ATAD1: variants seen among roughly 807,000 people sequenced by gnomAD.
ATAD1 encodes ATPase family AAA domain containing 1, also known as outer mitochondrial transmembrane helix translocase.
A neutral mutation model predicts 42.7 loss-of-function variants in ATAD1; 18 were observed. The observed-to-expected ratio is 0.42, with a 90% CI of 0.29 to 0.63. The LOEUF (loss-of-function observed/expected upper bound fraction) is 0.63. ATAD1 is among the 20% of genes least tolerant of loss of function. The pLI is 0.19. For missense variants in ATAD1, 294 were observed against 440.4 expected (o/e 0.67, Z 2.98); for synonymous variants, 132 against 143.1 (o/e 0.92, Z 0.55).
rs1472985837 is a variant in ATAD1 at position 87,753,317 on chromosome 10, T to A, written c.*1370A>T. ...AAGTACAACTGAAGAATAAACGATC[T>A]AACAGATTCTTGTGAGACACATTAT... On this transcript the variant is annotated 3_prime_UTR_variant, in exon 10 of 10. Transcript: ENST00000680024. 2 of 152,174 alleles carry A rather than the reference T, an allele frequency of 1.3e-5. No individual in the cohort carries two copies. Among genetic ancestry groups the A allele is most frequent in the African/African-American group, 4.8e-5 (2 of 41,448 alleles). The allele number at this position is 152,174 out of a possible 1,614,324, so 9.4% of individuals were successfully genotyped here.
chr10:87,807,737 A>G (rs1379276368), intron 2 of ATAD1, among the ~76,000 whole-genome samples: 1 of 152,140 alleles, frequency 6.6e-6, no homozygotes, highest in Non-Finnish European at 1.5e-5. Flanking sequence ...TATATTTTAC[A>G]TTATATATTT....
intron 1 of ATAD1, among the ~76,000 whole-genome samples, chr10:87,833,359 G>A (rs1307662335): frequency 6.6e-6 from 1 of 152,108 alleles, no homozygotes; most frequent in Admixed American, 6.5e-5. Flanking sequence ...TCAGTTCTAG[G>A]AGGTTTTTTT....
At chr10:87,796,784 C>T (rs1382817747) in intron 2 of ATAD1, among the ~76,000 whole-genome samples, 1 of 152,214 alleles carries the variant, frequency 6.6e-6, no homozygotes, top group Non-Finnish European at 1.5e-5. Flanking sequence ...CATGAGCTAA[C>T]TTTATGGCTC....
In ATAD1 at chr10:87,775,345, C is replaced by T. The variant is rs576444076; in HGVS notation, c.690+976G>A. Among the ~76,000 whole-genome samples the T allele has an allele frequency of 7.7e-5, 11 of 142,098 alleles. No individual in the cohort carries two copies. In the East Asian group the frequency reaches 1.2e-3, roughly 16 times the overall value. The allele number at this position is 142,098 out of a possible 152,430, so 93.2% of individuals were successfully genotyped here. A position where few individuals can be genotyped will look rare whatever the true frequency, so the allele number is the denominator to read the frequency against. On this transcript the variant is annotated intron_variant, in intron 6 of 9. Transcript: ENST00000680024. ...CTGAAGCAGGAGAATCGCTTGAACC[C>T]GGAAGGCGGAGGTTGCAGTGAGCCG...
At chr10:87,807,429 T>C (rs527481407) in intron 2 of ATAD1, among the ~76,000 whole-genome samples, 3 of 152,332 alleles carry the variant, frequency 2.0e-5, no homozygotes, top group South Asian at 2.1e-4. Context: ...CTTTTGTTCC[T>C]ACTGTTCCAC....
At chr10:87,781,177 C>A (rs56316206) in intron 5 of ATAD1, among the ~76,000 whole-genome samples, 8,919 of 151,754 alleles carry the variant, frequency 0.059, 640 homozygotes, top group East Asian at 0.33. Flanking sequence ...AGGAAACAAA[C>A]CACTATTAAA....
intron 5 of ATAD1, among the ~76,000 whole-genome samples, chr10:87,781,581 T>A (rs895968350): frequency 1.3e-5 from 2 of 152,210 alleles, no homozygotes; most frequent in Non-Finnish European, 2.9e-5. Flanking sequence ...GTCTTAGAAT[T>A]GATGAAATAC....
intron 5 of ATAD1, among the ~76,000 whole-genome samples, chr10:87,777,835 C>T (rs1441726143): frequency 6.6e-6 from 1 of 152,114 alleles, no homozygotes; most frequent in African/African-American, 2.4e-5. Context: ...AGCAAAAACA[C>T]ATTACCATGA....
chr10:87,755,768 G>T (rs1190091411), intron 9 of ATAD1, among the ~76,000 whole-genome samples: 1 of 152,030 alleles, frequency 6.6e-6, no homozygotes, highest in Non-Finnish European at 1.5e-5. Context: ...AATTAGCCGG[G>T]CATGGTGATG....
At chr10:87,830,629 A>C (rs1252521056) in intron 1 of ATAD1, among the ~76,000 whole-genome samples, 1 of 152,218 alleles carries the variant, frequency 6.6e-6, no homozygotes, top group African/African-American at 2.4e-5. Flanking sequence ...TTTTATCAAG[A>C]ATAATAACAT....
chr10:87,798,552 T>C (rs1856511283), intron 2 of ATAD1, among the ~76,000 whole-genome samples: 1 of 149,766 alleles, frequency 6.7e-6, no homozygotes, highest in African/African-American at 2.5e-5. Flanking sequence ...ACAGGTTTTT[T>C]GTGTTTTTTT....
intron 2 of ATAD1, among the ~76,000 whole-genome samples, chr10:87,802,242 T>C (rs1425365246): frequency 6.6e-6 from 1 of 152,152 alleles, no homozygotes; most frequent in African/African-American, 2.4e-5. Flanking sequence ...GGAATCAAAC[T>C]TGACTTACAG....
At chr10:87,754,879 A>G in intron 9 of ATAD1, 72 bp from the exon 10 acceptor site, 1 of 1,530,034 alleles carries the variant, frequency 6.5e-7, no homozygotes, top group Non-Finnish European at 8.8e-7. Context: ...TTTTACCAAG[A>G]TTTAAAAGAG....
At chr10:87,760,138 A>G (rs796087836) in intron 8 of ATAD1, among the ~76,000 whole-genome samples, 5 of 152,294 alleles carry the variant, frequency 3.3e-5, no homozygotes, top group African/African-American at 1.2e-4. Flanking sequence ...AGCATTTTAC[A>G]CTTATAATTT....
chr10:87,752,554 ATGGGGAGCC>A lies in ATAD1; in HGVS notation c.*2124_*2132del, dbSNP rs1854060487. The A allele has an allele frequency of 7.2e-6, 1 of 138,278 alleles. No individual in the cohort carries two copies. The highest frequency in any genetic ancestry group is 2.7e-5 in the African/African-American group (1 of 37,412). 8.6% of individuals were successfully genotyped at this position (138,278 alleles called of 1,614,324 possible). On this transcript the variant is annotated 3_prime_UTR_variant, in exon 10 of 10. Transcript: ENST00000680024. The stretch of plus-strand genomic sequence containing the variant: ...AACTGGGCTCACAGACACACAGTTA[ATGGGGAGCC>A]TGAGTTTAAATTCAGGAAGCCTGAT...
At chr10:87,755,765 C>T (rs12768487) in intron 9 of ATAD1, among the ~76,000 whole-genome samples, 44,199 of 151,682 alleles carry the variant, frequency 0.29, 6,695 homozygotes, top group Non-Finnish European at 0.31. Flanking sequence ...AAAAATTAGC[C>T]GGGCATGGTG....
intron 2 of ATAD1, among the ~76,000 whole-genome samples, chr10:87,801,758 G>T (rs1361528873): frequency 6.6e-6 from 1 of 152,078 alleles, no homozygotes; most frequent in East Asian, 1.9e-4. Flanking sequence ...TTTATAATCA[G>T]CTATAAAACT....
intron 1 of ATAD1, among the ~76,000 whole-genome samples, chr10:87,829,946 A>G (rs147068260): frequency 6.6e-6 from 1 of 152,362 alleles, no homozygotes; most frequent in African/African-American, 2.4e-5. Flanking sequence ...TCTTGAAAGA[A>G]GTTCTGCTCT....
intron 5 of ATAD1, among the ~76,000 whole-genome samples, chr10:87,784,092 A>C (rs1283911975): frequency 6.6e-6 from 1 of 152,218 alleles, no homozygotes; most frequent in Non-Finnish European, 1.5e-5. Context: ...ACTACCAAGC[A>C]GGAAAACATA....
Sources: allele counts gnomAD v4.1 joint callset (sites outside exome capture counted in the v4.1 genomes callset), GRCh38; gene constraint gnomAD v4.1.1; transcripts MANE v1.5; gene names NCBI Gene and HGNC (gene_info 2026-07-23, HGNC 2026-07-21).